The following APC variants were observed in gnomAD, a reference collection of about 807,000 sequenced individuals.
APC encodes APC regulator of Wnt signaling pathway.
A neutral mutation model predicts 247.0 loss-of-function variants in APC; 72 were observed. The observed-to-expected ratio is 0.29, with a 90% CI of 0.24 to 0.35. The LOEUF is 0.35. Among genes scored for constraint, APC ranks in the 10% least tolerant of loss-of-function variants. The pLI is 1.00. For missense variants in APC, 3,400 were observed against 3,360.7 expected, an observed-to-expected ratio of 1.01 and a Z score of -0.29; for synonymous variants, 1,254 against 1,162.5, an observed-to-expected ratio of 1.08 and a Z score of -1.60.
chr5:112,801,014 T>C (rs1233469512), intron 7 of APC, among the ~76,000 whole-genome samples: 3 of 152,164 alleles, frequency 2.0e-5, no homozygotes, highest in Non-Finnish European at 4.4e-5. Context: ...GCGCAGCTGG[T>C]AGAGGATGGC....
chr5:112,775,795 A>G, intron 5 of APC, 58 bp downstream of exon 5: 1 of 924,894 alleles, frequency 1.1e-6, no homozygotes. Context: ...ATTTTAAAGT[A>G]CCTAGGTAAT....
At chr5:112,733,725 G>A (rs1404822696), upstream of APC, among the ~76,000 whole-genome samples, 1 of 152,134 alleles carries the variant, frequency 6.6e-6, no homozygotes, top group African/African-American at 2.4e-5. Context: ...GTGGTAATTT[G>A]TTTTGGCAGC....
At chr5:112,833,037 T>TTTTGC (rs201783197) in intron 14 of APC, among the ~76,000 whole-genome samples, 23 of 151,698 alleles carry the variant, frequency 1.5e-4, no homozygotes, top group African/African-American at 3.9e-4. Context: ...GGGTTTTTTT[T>TTTTGC]TTTTGCTTTT....
intron 6 of APC, among the ~76,000 whole-genome samples, chr5:112,782,692 A>G (rs919782908): frequency 1.3e-5 from 2 of 152,222 alleles, no homozygotes; most frequent in African/African-American, 4.8e-5. Flanking sequence ...GAAAATATAC[A>G]TAAGTATGTT....
At chr5:112,819,941 A>T (rs1235735440) in intron 10 of APC, among the ~76,000 whole-genome samples, 1 of 151,830 alleles carries the variant, frequency 6.6e-6, no homozygotes, top group Non-Finnish European at 1.5e-5. Flanking sequence ...AGATCTCCTG[A>T]CTCTCAGCTC....
At chr5:112,770,263 A>G in intron 4 of APC, among the ~76,000 whole-genome samples, 1 of 152,162 alleles carries the variant, frequency 6.6e-6, no homozygotes, top group Non-Finnish European at 1.5e-5. Context: ...AGTTCTTTGC[A>G]TCTAAATCTA....
chr5:112,844,250 G>A lies in APC; in HGVS notation c.*124G>A. On this transcript the variant is annotated 3_prime_UTR_variant, in exon 16 of 16. Transcript: ENST00000257430. ...TAAATAGGTTTGATTCTTGTTAGAG[G>A]GTTTTTGTTCTGGAAGCCATATTTG... 1.1e-6 allele frequency: 1 copy of A among 937,342 alleles called. No individual in the cohort carries two copies. Among genetic ancestry groups the A allele is most frequent in the South Asian group, 1.7e-5 (1 of 59,000 alleles). The allele number at this position is 937,342 out of a possible 1,614,324, so 58.1% of individuals were successfully genotyped here. A position where few individuals can be genotyped will look rare whatever the true frequency, so the allele number is the denominator to read the frequency against.
intron 7 of APC, among the ~76,000 whole-genome samples, chr5:112,798,039 T>C (rs1184954926): frequency 1.3e-5 from 2 of 152,134 alleles, no homozygotes; most frequent in East Asian, 1.9e-4. Context: ...ATTAAACATA[T>C]AGTTATGTGA....
At chr5:112,828,106 G>A (rs910245854) in intron 13 of APC, 100 bp downstream of exon 13, 12 of 949,036 alleles carry the variant, frequency 1.3e-5, no homozygotes, top group African/African-American at 1.1e-4. Flanking sequence ...TGCAATCTCA[G>A]CTCACTGCAA....
chr5:112,843,459 C>T lies in APC; in HGVS notation c.7865C>T (p.Pro2622Leu), dbSNP rs267600320. Residue 2622 changes from proline (P) to leucine (L), a missense_variant, in exon 16 of 16, where the codon CCC (proline) becomes CTC (leucine). Pro to Leu is a moderately conservative substitution (Grantham distance 98). Transcript: ENST00000257430. The surrounding 1 kb of genome is among the most constrained non-coding windows in gnomAD (Gnocchi z 4.8). ...WRKIKENEFS[P>L]TNSTSQTVSS... ...AAAATAAAAGAAAATGAATTTTCTC[C>T]CACAAATAGTACTTCTCAGACCGTT... is the stretch of plus-strand genomic sequence containing the variant. 7.4e-6 allele frequency: 12 copies of T among 1,613,720 alleles called. No homozygotes were observed. Among genetic ancestry groups the T allele is most frequent in the Non-Finnish European group, 9.3e-6 (11 of 1,179,740 alleles).
chr5:112,818,322 A>G (rs979402214), intron 9 of APC, among the ~76,000 whole-genome samples: 3 of 152,232 alleles, frequency 2.0e-5, no homozygotes, highest in African/African-American at 7.2e-5. Context: ...ATTTATTGTC[A>G]GAGAGTAATT....
At chr5:112,761,410 A>G (rs563224550) in intron 2 of APC, among the ~76,000 whole-genome samples, 15 of 152,328 alleles carry the variant, frequency 9.8e-5, no homozygotes, top group African/African-American at 3.6e-4. Flanking sequence ...AACAGATAGA[A>G]AATTTTGACA....
Position 112,827,179 on chromosome 5 carries a change from A to C in APC, c.1480A>C (p.Ser494Arg). Residue 494 changes from serine (S) to arginine (R), a missense_variant, in exon 12 of 16, where the codon AGT becomes CGT. Transcript: ENST00000257430. The part of the protein sequence containing the change: ...EMYGLTNDHY[S>R]ITLRRYAGMA... ...GTATGGGCTTACTAATGACCACTAC[A>C]GTATTACACTAAGACGATATGCTGG... The C allele has an allele frequency of 6.2e-7, 1 of 1,613,904 alleles. No individual in the cohort carries two copies. Among genetic ancestry groups the C allele is most frequent in the Non-Finnish European group, 8.5e-7 (1 of 1,179,848 alleles).
At position 112,789,615 on chromosome 5, in the gene APC, G is replaced by A. The variant is rs182042456; in HGVS notation, c.646-2831G>A. 4.4e-3 allele frequency among the ~76,000 whole-genome samples: 662 copies of A among 152,098 alleles called. 7 individuals are homozygous for A. The highest frequency in any genetic ancestry group is 3.8e-3 in the Non-Finnish European group (259 of 67,992). ...AATTTTTATTTAGGCCTATATTGAT[G>A]GAAGGGAGCTAATTATATAGAAACT... On this transcript the variant is annotated intron_variant, in intron 6 of 15. Coordinates refer to ENST00000257430, the MANE Select transcript of APC (RefSeq NM_000038.6).
At chr5:112,800,056 T>A (rs1314614018) in intron 7 of APC, among the ~76,000 whole-genome samples, 1 of 152,206 alleles carries the variant, frequency 6.6e-6, no homozygotes, top group Non-Finnish European at 1.5e-5. Context: ...CCTTTATTAT[T>A]TCTGTCATTA....
chr5:112,807,461 A>C (rs539119085), intron 8 of APC, among the ~76,000 whole-genome samples: 123 of 152,208 alleles, frequency 8.1e-4, no homozygotes, highest in African/African-American at 2.8e-3. Flanking sequence ...ATTTAATAAT[A>C]CTTTGAGATA....
chr5:112,731,090 C>T (rs977777311), intron 1 of APC, among the ~76,000 whole-genome samples: 29 of 151,274 alleles, frequency 1.9e-4, no homozygotes, highest in Non-Finnish European at 3.5e-4. Context: ...TATTTTACAA[C>T]GTAATTTTAA....
At chr5:112,759,115 T>A (rs1035945364) in intron 2 of APC, among the ~76,000 whole-genome samples, 17 of 152,178 alleles carry the variant, frequency 1.1e-4, no homozygotes, top group Non-Finnish European at 2.9e-5. Context: ...GTAAAGTATA[T>A]CTTTTCAGAA....
intron 2 of APC, among the ~76,000 whole-genome samples, chr5:112,755,972 T>TA (rs1258038169): frequency 9.5e-4 from 141 of 148,600 alleles, no homozygotes; most frequent in Admixed American, 2.2e-3. Flanking sequence ...ACTTCCTTTA[T>TA]AAAAAAAAAA....
Sources: allele counts gnomAD v4.1 joint callset (sites outside exome capture counted in the v4.1 genomes callset), GRCh38; gene constraint gnomAD v4.1.1; non-coding constraint Gnocchi (gnomAD v3.1); transcripts MANE v1.5; gene names NCBI Gene and HGNC (gene_info 2026-07-23, HGNC 2026-07-21).